The following POLR2F variants were observed in gnomAD, a reference collection of about 807,000 sequenced individuals.
POLR2F encodes the protein RNA polymerase II, I and III subunit F, also known as DNA-directed RNA polymerases I, II, and III subunit RPABC2.
POLR2F carries 12 observed loss-of-function variants against 22.7 expected under a neutral mutation model. That is an observed-to-expected ratio of 0.53 (90% confidence interval 0.34 to 0.86). POLR2F has a LOEUF of 0.86. POLR2F is among the 40% of genes least tolerant of loss of function. POLR2F has a pLI of 0.02. For synonymous variants in POLR2F, 57 were observed against 66.0 expected, an observed-to-expected ratio of 0.86 and a Z score of 0.66; for missense variants, 126 against 171.5, an observed-to-expected ratio of 0.73 and a Z score of 1.48.
chr22:38,016,815 T>C lies in POLR2F; in HGVS notation c.121-9054T>C, dbSNP rs1233676811. On this transcript the variant is annotated intron_variant, in intron 1 of 2. Transcript: ENST00000333418. This position sits in a 1 kb window ranked among gnomAD's most constrained non-coding sequence, Gnocchi z 4.4. ...TTTCTACTGTAATGACATGTTGGAA[T>C]AGAGAGAGAGAGAGAAGGAAAAAAA... Among the ~76,000 whole-genome samples, 1 of 142,612 alleles carries C rather than the reference T, an allele frequency of 7.0e-6. No individual in the cohort carries two copies. Among genetic ancestry groups the C allele is most frequent in the Non-Finnish European group, 1.5e-5 (1 of 65,398 alleles). The allele number at this position is 142,612 out of a possible 152,430, so 93.6% of individuals were successfully genotyped here.
chr22:38,020,537 T>C (rs1311872939), intron 1 of POLR2F, among the ~76,000 whole-genome samples: 3 of 151,338 alleles, frequency 2.0e-5, no homozygotes, highest in African/African-American at 7.3e-5. Flanking sequence ...CCCAAAGTGC[T>C]GGGATTACAG....
chr22:37,960,184 G>T (rs1931573474), intron 3 of POLR2F, among the ~76,000 whole-genome samples: 1 of 151,692 alleles, frequency 6.6e-6, no homozygotes, highest in Admixed American at 6.6e-5. Context: ...CCTGATCATG[G>T]CCCATTGCAG....
chr22:38,015,744 C>T (rs1033141474), intron 1 of POLR2F, among the ~76,000 whole-genome samples: 1 of 152,210 alleles, frequency 6.6e-6, no homozygotes, highest in Middle Eastern at 3.2e-3. Context: ...CCACCACCAA[C>T]AGCAGCCACA....
At chr22:38,008,544 C>CAA (rs922896273) in intron 1 of POLR2F, among the ~76,000 whole-genome samples, 5 of 130,018 alleles carry the variant, frequency 3.8e-5, no homozygotes, top group Non-Finnish European at 8.2e-5. Flanking sequence ...GACTCTGTCT[C>CAA]AAAAAAAAAA....
intron 1 of POLR2F, among the ~76,000 whole-genome samples, chr22:38,013,248 T>C (rs1438184451): frequency 6.6e-6 from 1 of 152,188 alleles, no homozygotes; most frequent in African/African-American, 2.4e-5. Context: ...CGGTTTCAAG[T>C]GATTCTACTG....
chr22:37,959,363 C>T lies in POLR2F; in HGVS notation c.108C>T (p.Val36=), dbSNP rs771379672. ...ENAEEEGQEN[V]EILPSGERPQ... ...GTGTCCAGGAAGGCCAGGAGAATGT[C>T]GAGATCCTCCCCTCTGGGGAGCGAC... The change falls in exon 3 of 5, where the codon GTC becomes GTT. Residue 36 remains valine (V), a synonymous_variant. Coordinates refer to ENST00000442738, the MANE Select transcript of POLR2F (RefSeq NM_021974.5). The T allele has an allele frequency of 4.8e-5, 77 of 1,613,888 alleles. No homozygotes were observed. Among genetic ancestry groups the T allele is most frequent in the South Asian group, 1.1e-4 (10 of 91,062 alleles).
At chr22:37,971,270 A>T, downstream of POLR2F, 1 of 471,166 alleles carries the variant, frequency 2.1e-6, no homozygotes, top group Non-Finnish European at 4.4e-6. Context: ...ACTTCTTAGC[A>T]TCAGCCTCGC....
In POLR2F at chr22:37,959,491, C is replaced by G; in HGVS notation, c.221+15C>G. 1 of 1,612,252 alleles carries G rather than the reference C, an allele frequency of 6.2e-7. No homozygotes were observed. The highest frequency in any genetic ancestry group is 1.1e-5 in the South Asian group (1 of 90,978). On this transcript the variant is annotated intron_variant, in intron 3 of 4. Transcript: ENST00000442738. ...CTCCAGATTGCGTGAGTGATTGCCC[C>G]TTCACTGTCTTCTCCATCTGTCAGG... is the stretch of plus-strand genomic sequence containing the variant.
chr22:38,018,973 T>G (rs2145818245), intron 1 of POLR2F, among the ~76,000 whole-genome samples: 1 of 152,254 alleles, frequency 6.6e-6, no homozygotes, highest in Non-Finnish European at 1.5e-5. Context: ...CCTCAGGATT[T>G]CCAGAAGATC....
At chr22:38,007,497 G>T (rs2084831911) in intron 1 of POLR2F, among the ~76,000 whole-genome samples, 2 of 152,270 alleles carry the variant, frequency 1.3e-5, no homozygotes, top group Admixed American at 6.5e-5. Context: ...GGGAGCCTGG[G>T]AGGTGGAAGG....
intron 1 of POLR2F, among the ~76,000 whole-genome samples, chr22:38,001,945 C>T (rs189794396): frequency 2.3e-4 from 34 of 149,986 alleles, no homozygotes; most frequent in African/African-American, 4.2e-4. Flanking sequence ...CTCCCACTTC[C>T]GCCTCCTGAG....
intron 1 of POLR2F, among the ~76,000 whole-genome samples, chr22:37,993,089 G>A (rs1287044685): frequency 6.6e-6 from 1 of 152,144 alleles, no homozygotes; most frequent in Non-Finnish European, 1.5e-5. Context: ...GGAAGAGAGG[G>A]GGCAGAGGGG....
downstream of POLR2F, among the ~76,000 whole-genome samples, chr22:38,026,971 G>A (rs904868814): frequency 6.6e-6 from 1 of 152,192 alleles, no homozygotes; most frequent in African/African-American, 2.4e-5. Context: ...GTGTGGGTGG[G>A]TGGATGGACG....
intron 1 of POLR2F, among the ~76,000 whole-genome samples, chr22:37,954,792 C>A (rs1321374896): frequency 6.6e-6 from 1 of 152,150 alleles, no homozygotes; most frequent in East Asian, 1.9e-4. Context: ...GGGATTGCTA[C>A]CCCATTCCCA....
intron 1 of POLR2F, among the ~76,000 whole-genome samples, chr22:37,955,114 TAGTG>T (rs1286635165): frequency 6.6e-6 from 1 of 151,004 alleles, no homozygotes; most frequent in Admixed American, 6.6e-5. Context: ...GAGAGGAAGA[TAGTG>T]AGGGTGGACA....
At position 37,978,022 on chromosome 22, in the gene POLR2F, C is replaced by G; in HGVS notation, c.293+10852C>G. 6.2e-7 allele frequency: 1 copy of G among 1,611,522 alleles called. No individual in the cohort carries two copies. The highest frequency in any genetic ancestry group is 8.5e-7 in the Non-Finnish European group (1 of 1,179,542). On this transcript the variant is annotated intron_variant, in intron 4 of 4. Coordinates refer to the POLR2F transcript ENST00000405557. This position sits in a 1 kb window ranked among gnomAD's most constrained non-coding sequence, Gnocchi z 5.0. ...CTCCGCCTCGCCCTGGGCGGCCTTC[C>G]CGTTCTTCCGCCGCCTGGGCTGGTA...
At chr22:37,996,085 G>T (rs1396319431) in intron 1 of POLR2F, among the ~76,000 whole-genome samples, 1 of 152,192 alleles carries the variant, frequency 6.6e-6, no homozygotes, top group Non-Finnish European at 1.5e-5. Context: ...GTGACTCCTA[G>T]TCCAGTGCTC....
chr22:38,010,703 G>A (rs982624071), intron 1 of POLR2F, among the ~76,000 whole-genome samples: 9 of 125,184 alleles, frequency 7.2e-5, no homozygotes, highest in East Asian at 5.8e-4. Context: ...TGCAACCTCC[G>A]CCTCCCAGGT....
rs373573374 is a variant in POLR2F, at chr22:37,967,184, A to G, written c.293+14A>G. The G allele has an allele frequency of 1.2e-4, 201 of 1,611,242 alleles. No homozygotes were observed. The highest frequency in any genetic ancestry group is 1.0e-3 in the South Asian group (92 of 91,002). ...GAAGGAACTCAAGTAAGTCACTCAA[A>G]TCATGGTTCACTTCTCCAAATCTCT... On this transcript the variant is annotated intron_variant, in intron 4 of 4. Coordinates refer to ENST00000442738, the MANE Select transcript of POLR2F (RefSeq NM_021974.5).
Sources: allele counts gnomAD v4.1 joint callset (sites outside exome capture counted in the v4.1 genomes callset), GRCh38; gene constraint gnomAD v4.1.1; non-coding constraint Gnocchi (gnomAD v3.1); transcripts MANE v1.5; gene names NCBI Gene and HGNC (gene_info 2026-07-23, HGNC 2026-07-21).